Variants in ANK1 observed in about 807,000 individuals in gnomAD.
ANK1 encodes ankyrin-1.
ANK1 carries 51 observed loss-of-function variants against 210.4 expected under a neutral mutation model. The observed-to-expected ratio is 0.24, with a 90% CI of 0.19 to 0.31. ANK1 has a LOEUF of 0.31. Ranked by LOEUF, ANK1 falls within the 10% of genes least tolerant of loss-of-function variation. The pLI, the probability that ANK1 is intolerant of heterozygous loss-of-function variation, is 1.00. For synonymous variants in ANK1, 967 were observed against 1,025.9 expected, an observed-to-expected ratio of 0.94 and a Z score of 1.10; for missense variants, 2,051 against 2,504.4, an observed-to-expected ratio of 0.82 and a Z score of 3.86.
chr8:41,720,883 G>A (rs1432685635), intron 9 of ANK1, among the ~76,000 whole-genome samples: 20 of 152,152 alleles, frequency 1.3e-4, no homozygotes, highest in Admixed American at 1.3e-3. Context: ...ACAGTCCGGG[G>A]TGAGGTGATT....
At chr8:41,871,655 G>A (rs187540468) in intron 1 of ANK1, among the ~76,000 whole-genome samples, 90 of 152,268 alleles carry the variant, frequency 5.9e-4, no homozygotes, top group African/African-American at 2.1e-3. Flanking sequence ...CAAAGGAGCC[G>A]ACCCTGCTGA....
chr8:41,847,962 A>C (rs1810381450), intron 1 of ANK1, among the ~76,000 whole-genome samples: 1 of 152,148 alleles, frequency 6.6e-6, no homozygotes, highest in Non-Finnish European at 1.5e-5. Context: ...TGAGAGGCAG[A>C]TCACTTGAGG....
chr8:41,787,697 T>C, intron 1 of ANK1, among the ~76,000 whole-genome samples: 1 of 152,182 alleles, frequency 6.6e-6, no homozygotes, highest in East Asian at 1.9e-4. Flanking sequence ...CGTGCTGGCC[T>C]GCACCTGTAG....
rs35112522 is a variant in ANK1, at chr8:41,887,242, C to CT, written c.126+9112dup. ...TTCCTTTCTTCTTTTCTTTCCTTTC[C>CT]TTTTTTTTTTTTTTTTTTTTTTTAG... On this transcript the variant is annotated intron_variant, in intron 1 of 42. Transcript: ENST00000265709. 6.8e-3 allele frequency among the ~76,000 whole-genome samples: 550 copies of CT among 80,682 alleles called. 2 individuals carry two copies. The highest frequency in any genetic ancestry group is 9.2e-3 in the Non-Finnish European group (418 of 45,194). The allele number at this position is 80,682 out of a possible 152,430, so 52.9% of individuals were successfully genotyped here.
chr8:41,724,784 T>C (rs893663188), intron 6 of ANK1, among the ~76,000 whole-genome samples: 3 of 152,164 alleles, frequency 2.0e-5, no homozygotes, highest in Non-Finnish European at 2.9e-5. Context: ...CCTCAGACTC[T>C]GTGGGCCCGT....
chr8:41,823,827 C>T (rs1398530031), intron 1 of ANK1, among the ~76,000 whole-genome samples: 3 of 152,156 alleles, frequency 2.0e-5, no homozygotes, highest in Non-Finnish European at 4.4e-5. Flanking sequence ...ACTCTCTGCA[C>T]CTTCTCCACC....
chr8:41,777,736 A>C (rs1010320469), intron 1 of ANK1, among the ~76,000 whole-genome samples: 2 of 152,198 alleles, frequency 1.3e-5, no homozygotes, highest in Non-Finnish European at 2.9e-5. Context: ...GCTGAAGTCC[A>C]CTTTCATAAT....
intron 8 of ANK1, 106 bp from the exon 9 acceptor site, chr8:41,723,329 G>A (rs542003680): frequency 9.3e-6 from 12 of 1,295,722 alleles, no homozygotes; most frequent in East Asian, 4.6e-5. Flanking sequence ...AAGTGCTGAC[G>A]TTTCCTCAAG....
chr8:41,754,276 C>T (rs493981), intron 2 of ANK1, among the ~76,000 whole-genome samples: 125,544 of 152,258 alleles, frequency 0.82, 52,241 homozygotes, highest in East Asian at 0.88. Flanking sequence ...TTGGCATTCA[C>T]ATAAGGGGGT....
chr8:41,738,259 C>T (rs1833919704), intron 2 of ANK1, among the ~76,000 whole-genome samples: 1 of 152,202 alleles, frequency 6.6e-6, no homozygotes, highest in Non-Finnish European at 1.5e-5. Flanking sequence ...AGCAAGTGCC[C>T]TCCTCTTCCT....
Position 41,780,154 on chromosome 8 carries a change from G to A in ANK1, c.27+17358C>T, listed in dbSNP as rs114417894. On this transcript the variant is annotated intron_variant, in intron 1 of 42. Coordinates refer to ENST00000289734, the MANE Select transcript of ANK1 (RefSeq NM_000037.4). The stretch of plus-strand genomic sequence containing the variant: ...CCTCCCAGGGCCTCCCTAGGAACTG[G>A]CCTGGGATGCAACTGGCCAATCAGA... Among the ~76,000 whole-genome samples, 1,306 of 152,318 alleles carry A rather than the reference G, an allele frequency of 8.6e-3. 27 individuals carry two copies. The highest frequency in any genetic ancestry group is 0.03 in the African/African-American group (1,265 of 41,554).
At chr8:41,724,580 C>T (rs1830198068) in intron 6 of ANK1, 26 bp from the exon 7 acceptor site, 1 of 1,555,772 alleles carries the variant, frequency 6.4e-7, no homozygotes, top group Non-Finnish European at 8.7e-7. Flanking sequence ...GGGGGAGAAA[C>T]TTGTTATATG....
intron 6 of ANK1, 112 bp from the exon 7 acceptor site, chr8:41,724,666 G>T (rs1830217959): frequency 1.0e-6 from 1 of 995,804 alleles, no homozygotes; most frequent in African/African-American, 1.6e-5. Flanking sequence ...ACAGACAAAG[G>T]AGATTTTGAT....
intron 1 of ANK1, among the ~76,000 whole-genome samples, chr8:41,773,460 G>A (rs926703712): frequency 3.3e-5 from 5 of 152,126 alleles, no homozygotes; most frequent in African/African-American, 1.2e-4. Context: ...CACACACAGG[G>A]GTTCCCCTTA....
At chr8:41,802,499 G>T (rs1314317066), upstream of ANK1, among the ~76,000 whole-genome samples, 1 of 152,148 alleles carries the variant, frequency 6.6e-6, no homozygotes, top group Non-Finnish European at 1.5e-5. Context: ...TCTCTCCTAT[G>T]ATCCATTGGC....
chr8:41,711,937 T>A (rs1826250373), intron 16 of ANK1, among the ~76,000 whole-genome samples: 1 of 152,060 alleles, frequency 6.6e-6, no homozygotes, highest in Non-Finnish European at 1.5e-5. Context: ...CCATCTTTTT[T>A]TTTTTTAGAC....
chr8:41,750,661 C>T (rs1178997287), intron 2 of ANK1, among the ~76,000 whole-genome samples: 1 of 152,046 alleles, frequency 6.6e-6, no homozygotes, highest in Admixed American at 6.6e-5. Flanking sequence ...AAGCAAAGCC[C>T]TCTCCCCTTA....
chr8:41,822,064 A>AAGAGAGAGAGAGAGAGAGAGAGAGAG (rs10605195), intron 1 of ANK1, among the ~76,000 whole-genome samples: 1 of 36,182 alleles, frequency 2.8e-5, no homozygotes, highest in Non-Finnish European at 5.4e-5. Context: ...GAAAGAAAGA[A>AAGAGAGAGAGAGAGAGAGAGAGAGAG]AGAGAGAGAG....
chr8:41,723,781 T>C, intron 7 of ANK1, 148 bp from the exon 8 acceptor site: 1 of 510,330 alleles, frequency 2.0e-6, no homozygotes, highest in African/African-American at 2.0e-5. Flanking sequence ...TTTTATTTTT[T>C]TTTATTTTTT....
Sources: allele counts gnomAD v4.1 joint callset (sites outside exome capture counted in the v4.1 genomes callset), GRCh38; gene constraint gnomAD v4.1.1; transcripts MANE v1.5; gene names NCBI Gene and HGNC (gene_info 2026-07-23, HGNC 2026-07-21).